RBFOX1: variants seen among roughly 807,000 people sequenced by gnomAD.
RBFOX1 encodes RNA binding fox-1 homolog 1.
Under a neutral mutation model 57.7 loss-of-function variants are expected in RBFOX1, and 8 were observed. That is an observed-to-expected ratio of 0.14 (90% CI 0.08 to 0.25). The LOEUF is 0.25. Among genes scored for constraint, RBFOX1 ranks in the 10% least tolerant of loss-of-function variants. The pLI, the probability that RBFOX1 is intolerant of heterozygous loss-of-function variation, is 1.00. For missense variants in RBFOX1, 611 were observed against 548.5 expected (o/e 1.11, Z -1.14); for synonymous variants, 326 against 222.4 (o/e 1.47, Z -4.15).
intron 1 of RBFOX1, among the ~76,000 whole-genome samples, chr16:5,314,949 C>T (rs1040870353): frequency 3.3e-5 from 5 of 151,724 alleles, no homozygotes; most frequent in African/African-American, 1.2e-4. Context: ...AGGAAAGGAG[C>T]CCACAAAAGT....
At chr16:6,893,618 A>C (rs765818595) in intron 3 of RBFOX1, among the ~76,000 whole-genome samples, 2 of 152,200 alleles carry the variant, frequency 1.3e-5, no homozygotes, top group African/African-American at 2.4e-5. Flanking sequence ...ATAAGGAGAA[A>C]AGGAGAACAA....
intron 4 of RBFOX1, among the ~76,000 whole-genome samples, chr16:7,342,971 A>C (rs1380290810): frequency 1.3e-5 from 2 of 152,096 alleles, no homozygotes; most frequent in Non-Finnish European, 2.9e-5. Context: ...TCCTTGCCCA[A>C]ATCTTTGTCC....
chr16:6,427,425 A>C (rs2093961882), intron 2 of RBFOX1, among the ~76,000 whole-genome samples: 1 of 152,230 alleles, frequency 6.6e-6, no homozygotes. Context: ...AACGCTGAGC[A>C]TGGCCTCATT....
At chr16:7,556,079 G>A (rs540194183) in intron 5 of RBFOX1, among the ~76,000 whole-genome samples, 1 of 152,278 alleles carries the variant, frequency 6.6e-6, no homozygotes, top group East Asian at 1.9e-4. Flanking sequence ...CCCTAACTCT[G>A]AATGCTTTGA....
chr16:5,607,789 A>C (rs1346642819), intron 3 of RBFOX1, among the ~76,000 whole-genome samples: 1 of 152,180 alleles, frequency 6.6e-6, no homozygotes, highest in Non-Finnish European at 1.5e-5. Context: ...GGACCCCTGC[A>C]GTCCATATGT....
chr16:6,849,876 T>G (rs1603632140), intron 3 of RBFOX1, among the ~76,000 whole-genome samples: 1 of 152,078 alleles, frequency 6.6e-6, no homozygotes, highest in South Asian at 2.1e-4. Context: ...GCCACTTAAC[T>G]CTCCCTGATT....
At chr16:5,796,361 C>G (rs578262343) in intron 3 of RBFOX1, among the ~76,000 whole-genome samples, 51 of 152,296 alleles carry the variant, frequency 3.3e-4, no homozygotes, top group African/African-American at 1.2e-3. Flanking sequence ...GAATGAGTTG[C>G]TCAATCCAGG....
chr16:6,931,832 A>G (rs1367182815), intron 3 of RBFOX1, among the ~76,000 whole-genome samples: 3 of 152,162 alleles, frequency 2.0e-5, no homozygotes, highest in East Asian at 1.9e-4. Context: ...TGGAGGTCGG[A>G]AAGTCCAAGA....
chr16:6,462,890 G>A (rs925530875), intron 2 of RBFOX1, among the ~76,000 whole-genome samples: 4 of 151,996 alleles, frequency 2.6e-5, no homozygotes, highest in African/African-American at 7.3e-5. Flanking sequence ...AATTATTTAG[G>A]TACAATATTT....
chr16:6,888,015 G>C (rs1567724852), intron 3 of RBFOX1, among the ~76,000 whole-genome samples: 1 of 151,986 alleles, frequency 6.6e-6, no homozygotes, highest in Non-Finnish European at 1.5e-5. Context: ...TTTTGTTTGG[G>C]TGATTGATTT....
intron 4 of RBFOX1, among the ~76,000 whole-genome samples, chr16:7,466,363 T>C (rs1254202100): frequency 6.6e-6 from 1 of 152,206 alleles, no homozygotes; most frequent in African/African-American, 2.4e-5. Flanking sequence ...AAGCTAGCGC[T>C]TCTAACTGCA....
chr16:6,012,608 C>G (rs146044368), intron 4 of RBFOX1, among the ~76,000 whole-genome samples: 2 of 152,308 alleles, frequency 1.3e-5, no homozygotes, highest in East Asian at 3.9e-4. Context: ...GGCAATATGT[C>G]ATCTTCAACA....
intron 4 of RBFOX1, among the ~76,000 whole-genome samples, chr16:7,212,874 A>T (rs186964081): frequency 2.0e-5 from 3 of 152,252 alleles, no homozygotes; most frequent in South Asian, 2.1e-4. Flanking sequence ...TACAATGATG[A>T]TGTCGGTGCT....
In RBFOX1 at chr16:5,467,196, C is replaced by T. The variant is rs539008962; in HGVS notation, c.220-20C>T. On this transcript the variant is annotated intron_variant, in intron 1 of 2. Transcript: ENST00000585867. ...TTCTTCTCTCTCTCTCTCTCTCTCT[C>T]TTTTTTTTTTTTAATGCAGGATCTA... 210 of 1,057,804 alleles carry T rather than the reference C, an allele frequency of 2.0e-4. 2 individuals carry two copies. The African/African-American group carries it at 2.8e-3, about 14-fold the overall frequency. 65.5% of individuals were successfully genotyped at this position (1,057,804 alleles called of 1,614,324 possible).
intron 3 of RBFOX1, among the ~76,000 whole-genome samples, chr16:5,740,237 G>A (rs67330230): frequency 0.27 from 40,449 of 151,916 alleles, 6,011 homozygotes; most frequent in East Asian, 0.57. Flanking sequence ...TTCATCAGGT[G>A]CCCTGTTGAT....
At chr16:6,688,155 G>A (rs1012079961) in intron 3 of RBFOX1, among the ~76,000 whole-genome samples, 1 of 152,032 alleles carries the variant, frequency 6.6e-6, no homozygotes, top group African/African-American at 2.4e-5. Context: ...CTTCTGGGGA[G>A]GTTTCAGAAG....
intron 2 of RBFOX1, among the ~76,000 whole-genome samples, chr16:6,399,218 C>G (rs1378987485): frequency 6.6e-6 from 1 of 152,256 alleles, no homozygotes; most frequent in East Asian, 1.9e-4. Flanking sequence ...GGCCCTGGGC[C>G]TGGCCCATGA....
At chr16:6,979,984 C>T (rs1028543421) in intron 3 of RBFOX1, among the ~76,000 whole-genome samples, 1 of 152,102 alleles carries the variant, frequency 6.6e-6, no homozygotes, top group Non-Finnish European at 1.5e-5. Context: ...TGGGTACCTT[C>T]TAACACCGTT....
At chr16:6,548,625 G>A (rs72762903) in intron 2 of RBFOX1, among the ~76,000 whole-genome samples, 20,038 of 152,168 alleles carry the variant, frequency 0.13, 1,753 homozygotes, top group Non-Finnish European at 0.19. Flanking sequence ...AAGGAAAAAA[G>A]AATTAAATTA....
Sources: gnomAD v4.1 joint callset for allele counts (sites outside exome capture counted in the v4.1 genomes callset) on GRCh38, gnomAD v4.1.1 for gene constraint, MANE v1.5 for transcripts, NCBI Gene and HGNC (gene_info 2026-07-23, HGNC 2026-07-21) for gene names.